CDON: variants seen among roughly 807,000 people sequenced by gnomAD.
CDON encodes cell adhesion associated, oncogene regulated.
CDON carries 73 observed loss-of-function variants against 120.9 expected under a neutral mutation model. That is an observed-to-expected ratio of 0.60 (90% CI 0.50 to 0.73). The LOEUF is 0.73. Ranked by LOEUF, CDON falls within the 30% of genes least tolerant of loss-of-function variation. The probability of loss-of-function intolerance (pLI) is 0.00; values close to 1 mark genes in which losing one functional copy is unlikely to be tolerated. For synonymous variants in CDON, 566 were observed against 573.5 expected, an observed-to-expected ratio of 0.99 and a Z score of 0.19; for missense variants, 1,470 against 1,587.3, an observed-to-expected ratio of 0.93 and a Z score of 1.26.
intron 18 of CDON, among the ~76,000 whole-genome samples, chr11:125,971,408 A>AAATAAATAAAT (rs1555114721): frequency 1.4e-5 from 2 of 146,276 alleles, no homozygotes; most frequent in African/African-American, 2.7e-5. Flanking sequence ...ATAAATAAAT[A>AAATAAATAAAT]AATAATAATA....
At chr11:125,999,261 C>G (rs1946870900) in intron 11 of CDON, among the ~76,000 whole-genome samples, 1 of 152,090 alleles carries the variant, frequency 6.6e-6, no homozygotes. Context: ...CACCACAGTT[C>G]AAATAGGAAA....
At chr11:125,983,068 T>G (rs1416741863) in intron 16 of CDON, among the ~76,000 whole-genome samples, 2 of 152,200 alleles carry the variant, frequency 1.3e-5, no homozygotes, top group East Asian at 1.9e-4. Context: ...GCGTGAGAAC[T>G]GGCTAACAGC....
chr11:126,056,329 A>G (rs779958873), intron 1 of CDON, among the ~76,000 whole-genome samples: 11 of 152,176 alleles, frequency 7.2e-5, no homozygotes, highest in Admixed American at 1.3e-4. Flanking sequence ...CCAACCCCCA[A>G]TGAAATCCTG....
At chr11:126,038,411 G>A (rs368129444) in intron 1 of CDON, among the ~76,000 whole-genome samples, 1 of 152,276 alleles carries the variant, frequency 6.6e-6, no homozygotes, top group Non-Finnish European at 1.5e-5. Flanking sequence ...CAGCACTTAG[G>A]GGGGCCGAGG....
At chr11:126,051,951 C>T (rs942047240) in intron 1 of CDON, among the ~76,000 whole-genome samples, 6 of 152,070 alleles carry the variant, frequency 3.9e-5, no homozygotes, top group Admixed American at 6.6e-5. Context: ...ACCTGGCCAA[C>T]AATAGCTCTT....
intron 7 of CDON, chr11:126,011,002 T>C (rs752169937): frequency 8.9e-6 from 4 of 450,444 alleles, no homozygotes; most frequent in Middle Eastern, 3.3e-4. Flanking sequence ...ACTGCAAATA[T>C]AGAACATATA....
intron 11 of CDON, among the ~76,000 whole-genome samples, chr11:126,000,804 G>GA (rs1946922247): frequency 6.6e-6 from 1 of 152,110 alleles, no homozygotes; most frequent in South Asian, 2.1e-4. Flanking sequence ...TCAATTCATG[G>GA]AAAACTGTAA....
At chr11:126,020,728 C>G (rs1374470137) in intron 3 of CDON, among the ~76,000 whole-genome samples, 1 of 152,214 alleles carries the variant, frequency 6.6e-6, no homozygotes, top group African/African-American at 2.4e-5. Flanking sequence ...AAGTTCAATA[C>G]TCAACATTCC....
intron 1 of CDON, among the ~76,000 whole-genome samples, chr11:126,029,454 C>T (rs926622018): frequency 2.0e-5 from 3 of 152,136 alleles, no homozygotes; most frequent in Non-Finnish European, 4.4e-5. Flanking sequence ...GCAAAAATTG[C>T]TGACACTCTA....
At chr11:125,994,559 C>A (rs182512279) in intron 13 of CDON, among the ~76,000 whole-genome samples, 170 bp from the exon 14 acceptor site, 4 of 152,006 alleles carry the variant, frequency 2.6e-5, no homozygotes, top group Non-Finnish European at 5.9e-5. Context: ...TAGCTTATTG[C>A]GAGGTTAAAC....
At chr11:126,054,715 C>T (rs1418905465) in intron 1 of CDON, among the ~76,000 whole-genome samples, 1 of 152,164 alleles carries the variant, frequency 6.6e-6, no homozygotes, top group African/African-American at 2.4e-5. Flanking sequence ...GTTGAACACA[C>T]TCGCTCACCC....
chr11:126,006,589 G>A (rs1368944631), intron 8 of CDON, among the ~76,000 whole-genome samples: 9 of 152,104 alleles, frequency 5.9e-5, no homozygotes, highest in Non-Finnish European at 1.3e-4. Flanking sequence ...GATCACCTGA[G>A]CCTGGGAAGG....
chr11:125,975,847 G>A (rs960599257), intron 18 of CDON, among the ~76,000 whole-genome samples: 10 of 152,052 alleles, frequency 6.6e-5, no homozygotes, highest in East Asian at 1.9e-4. Flanking sequence ...TTCCTTCTAC[G>A]GGGAAACACC....
rs1476973615 is a variant in CDON at position 126,017,172 on chromosome 11, G to T, written c.844C>A (p.Pro282Thr). The T allele has an allele frequency of 1.2e-6, 2 of 1,614,114 alleles. No individual in the cohort carries two copies. The highest frequency in any genetic ancestry group is 3.3e-5 in the Admixed American group (2 of 60,018). Reference sequence around the variant, plus strand: ...CAGGAATAGTTTCCGGAGTCCGCCGGGTCAACGCTATCAGTGGCAAGATGA... The same window carrying T: ...CAGGAATAGTTTCCGGAGTCCGCCGTGTCAACGCTATCAGTGGCAAGATGA... ...YSHLATDSVD[P>T]ADSGNYSCMA... Residue 282 changes from proline to threonine, a missense_variant, in exon 6 of 20, where the codon CCG (proline) becomes ACG (threonine). By Grantham distance (38) the Pro-to-Thr change is conservative. Coordinates refer to ENST00000531738, the MANE Select transcript of CDON (RefSeq NM_001378964.1).
intron 18 of CDON, among the ~76,000 whole-genome samples, chr11:125,971,414 T>TAAA (rs377328170): frequency 0.012 from 1,512 of 123,736 alleles, 34 homozygotes; most frequent in African/African-American, 0.042. Flanking sequence ...AAATAAATAA[T>TAAA]AATAATTAAT....
chr11:125,984,467 T>C (rs1162537461), intron 15 of CDON, among the ~76,000 whole-genome samples: 1 of 151,922 alleles, frequency 6.6e-6, no homozygotes, highest in Non-Finnish European at 1.5e-5. Context: ...GAGGCCGAGG[T>C]GAGCAGACTG....
chr11:126,042,647 A>C (rs1591423237), intron 1 of CDON, among the ~76,000 whole-genome samples: 1 of 152,288 alleles, frequency 6.6e-6, no homozygotes, highest in East Asian at 1.9e-4. Context: ...TTGAGACGGG[A>C]GTCTCGCTCT....
intron 15 of CDON, among the ~76,000 whole-genome samples, chr11:125,987,872 G>A (rs1325335816): frequency 2.0e-5 from 3 of 152,192 alleles, no homozygotes; most frequent in Non-Finnish European, 4.4e-5. Context: ...TTAAATATGG[G>A]CTTAAGATGT....
At chr11:126,015,207 A>C in intron 7 of CDON, 34 bp downstream of exon 7, 1 of 1,606,366 alleles carries the variant, frequency 6.2e-7, no homozygotes. Context: ...TGTAAAATAA[A>C]AGTTCTTATG....
Sources: allele counts gnomAD v4.1 joint callset (sites outside exome capture counted in the v4.1 genomes callset), GRCh38; gene constraint gnomAD v4.1.1; transcripts MANE v1.5; gene names NCBI Gene and HGNC (gene_info 2026-07-23, HGNC 2026-07-21).